SYNE1: variants seen among roughly 807,000 people sequenced by gnomAD.
SYNE1 encodes nesprin-1.
In SYNE1, 616 loss-of-function variants were observed where a neutral mutation model predicts 1,111.0. The observed-to-expected ratio is 0.55, with a 90% confidence interval of 0.52 to 0.59. The LOEUF is 0.59. SYNE1 is among the 20% of genes least tolerant of loss of function. The pLI, the probability that SYNE1 is intolerant of heterozygous loss-of-function variation, is 0.00. For missense variants in SYNE1, 10,006 were observed against 10,417.0 expected (o/e 0.96, Z 1.72); for synonymous variants, 3,855 against 3,825.8 (o/e 1.01, Z -0.28).
intron 104 of SYNE1, among the ~76,000 whole-genome samples, chr6:152,250,384 C>T (rs938788863): frequency 6.6e-6 from 1 of 152,074 alleles, no homozygotes; most frequent in African/African-American, 2.4e-5. Context: ...TTTACCAGGG[C>T]CTGATCACGC....
At chr6:152,313,888 T>C (rs1240383021) in intron 87 of SYNE1, among the ~76,000 whole-genome samples, 1 of 152,130 alleles carries the variant, frequency 6.6e-6, no homozygotes, top group Non-Finnish European at 1.5e-5. Context: ...TTTTTCACTG[T>C]GCCCCATGAT....
At chr6:152,602,973 A>G (rs1428125663) in intron 3 of SYNE1, among the ~76,000 whole-genome samples, 1 of 152,134 alleles carries the variant, frequency 6.6e-6, no homozygotes, top group Admixed American at 6.6e-5. Flanking sequence ...CATACCCATA[A>G]AATGAAGAAA....
intron 32 of SYNE1, among the ~76,000 whole-genome samples, chr6:152,437,932 C>T (rs1017493693): frequency 1.3e-5 from 2 of 152,064 alleles, no homozygotes; most frequent in East Asian, 1.9e-4. Context: ...AGAAATATCA[C>T]GAGTTCGGCC....
chr6:152,452,009 A>C lies in SYNE1; in HGVS notation c.3028-804T>G, dbSNP rs544895342. On this transcript the variant is annotated intron_variant, in intron 25 of 145. Transcript: ENST00000367255. ...TTACTGAAAAAAAGTTTTAAAAAGAAAAGAAAAAAAAAAAGAAAACATAGC... is the reference window on the plus strand; with the variant it reads ...TTACTGAAAAAAAGTTTTAAAAAGACAAGAAAAAAAAAAAGAAAACATAGC... 6.6e-3 allele frequency among the ~76,000 whole-genome samples: 977 copies of C among 147,174 alleles called. 11 individuals carry two copies. The highest frequency in any genetic ancestry group is 0.023 in the African/African-American group (917 of 39,700).
intron 3 of SYNE1, among the ~76,000 whole-genome samples, chr6:152,591,484 C>T (rs1422358367): frequency 6.6e-6 from 1 of 152,132 alleles, no homozygotes; most frequent in African/African-American, 2.4e-5. Flanking sequence ...AGGACCCCTA[C>T]CTTTCACCAT....
chr6:152,515,579 A>G (rs1348164139), intron 6 of SYNE1, among the ~76,000 whole-genome samples: 2 of 152,210 alleles, frequency 1.3e-5, no homozygotes, highest in African/African-American at 4.8e-5. Flanking sequence ...AGTTGGAACT[A>G]TTTGCTCCCC....
At chr6:152,570,161 G>A (rs1472424718) in intron 3 of SYNE1, among the ~76,000 whole-genome samples, 2 of 152,094 alleles carry the variant, frequency 1.3e-5, no homozygotes, top group Admixed American at 6.5e-5. Context: ...TGAAATCACA[G>A]CAAAATAAAA....
At chr6:152,526,436 C>T (rs1453159929) in intron 4 of SYNE1, among the ~76,000 whole-genome samples, 1 of 152,108 alleles carries the variant, frequency 6.6e-6, no homozygotes, top group Non-Finnish European at 1.5e-5. Context: ...CAGCTTCTTT[C>T]TAGAAAGTGA....
At chr6:152,337,928 G>A (rs1035836573) in intron 75 of SYNE1, among the ~76,000 whole-genome samples, 3 of 152,098 alleles carry the variant, frequency 2.0e-5, no homozygotes, top group African/African-American at 7.2e-5. Flanking sequence ...CAGGTGGATT[G>A]CCTGAGCTCA....
intron 91 of SYNE1, among the ~76,000 whole-genome samples, chr6:152,303,981 GGA>G (rs1338857640): frequency 6.6e-6 from 1 of 151,762 alleles, no homozygotes; most frequent in Non-Finnish European, 1.5e-5. Flanking sequence ...GAAGCCGAGT[GGA>G]GCAAAAAACA....
intron 63 of SYNE1, chr6:152,363,878 C>T (rs2154074129): frequency 5.1e-6 from 2 of 389,414 alleles, no homozygotes; most frequent in South Asian, 3.7e-5. Flanking sequence ...ACACTGTATA[C>T]CAGCTCCCAG....
chr6:152,530,979 G>C (rs1350055413), intron 4 of SYNE1, among the ~76,000 whole-genome samples: 1 of 144,370 alleles, frequency 6.9e-6, no homozygotes, highest in East Asian at 1.9e-4. Flanking sequence ...CTTTGCCCAG[G>C]GTATTCATGC....
At chr6:152,588,528 G>C (rs2099547613) in intron 3 of SYNE1, among the ~76,000 whole-genome samples, 1 of 152,112 alleles carries the variant, frequency 6.6e-6, no homozygotes, top group Admixed American at 6.6e-5. Flanking sequence ...TAGGTTCTAG[G>C]ACAAGCAATG....
chr6:152,436,959 A>G (rs143953912), intron 32 of SYNE1, among the ~76,000 whole-genome samples: 23 of 152,034 alleles, frequency 1.5e-4, no homozygotes, highest in Middle Eastern at 3.4e-3. Flanking sequence ...TGAGGCCAGG[A>G]GTTTGAGACT....
chr6:152,180,210 A>G lies in SYNE1; in HGVS notation c.23386T>C (p.Leu7796=), dbSNP rs754111667. 1.9e-6 allele frequency: 3 copies of G among 1,613,976 alleles called. No homozygotes were observed. The highest frequency in any genetic ancestry group is 2.2e-5 in the East Asian group (1 of 44,870). ...GAAACTTTGCTTTCCATTTGAGTCA[A>G]CCACTCACAGAGTTCCTTGTTCTTT... ...SEKNKELCEW[L]TQMESKVSQN... The change falls in exon 129 of 146, where the codon TTG becomes CTG. Residue 7796 remains leucine (L), a synonymous_variant. Transcript: ENST00000367255.
rs1010759187 is a variant in SYNE1, at chr6:152,380,908, C to G, written c.9009+98G>C. On this transcript the variant is annotated intron_variant, in intron 56 of 145. Coordinates refer to ENST00000367255, the MANE Select transcript of SYNE1 (RefSeq NM_182961.4). Reference sequence around the variant, plus strand: ...ATACTTCTTCCAAGTGTGCATGTTGCGTGTTTTTAGTTAGCAAGATTTTTT... The same window carrying G: ...ATACTTCTTCCAAGTGTGCATGTTGGGTGTTTTTAGTTAGCAAGATTTTTT... The G allele has an allele frequency of 4.4e-6, 5 of 1,126,200 alleles. No individual in the cohort carries two copies. In the South Asian group the frequency reaches 6.2e-5, roughly 14 times the overall value. 69.8% of individuals were successfully genotyped at this position (1,126,200 alleles called of 1,614,324 possible). A position where few individuals can be genotyped will look rare whatever the true frequency, so the allele number is the denominator to read the frequency against.
chr6:152,140,943 G>A (rs1042282126), intron 139 of SYNE1, among the ~76,000 whole-genome samples: 3 of 152,190 alleles, frequency 2.0e-5, no homozygotes, highest in African/African-American at 7.2e-5. Flanking sequence ...GCTGAGGCGG[G>A]AGAATGCCAT....
chr6:152,534,170 A>AAATGAATG (rs770216813), intron 4 of SYNE1, among the ~76,000 whole-genome samples: 4 of 146,084 alleles, frequency 2.7e-5, no homozygotes, highest in East Asian at 4.0e-4. Context: ...AAAAATAAAT[A>AAATGAATG]AATGAATGAA....
intron 16 of SYNE1, among the ~76,000 whole-genome samples, chr6:152,468,222 C>A (rs1378411631): frequency 6.6e-6 from 1 of 151,952 alleles, no homozygotes; most frequent in Non-Finnish European, 1.5e-5. Flanking sequence ...TGCAACTATG[C>A]CAGATTATTC....
Sources: gnomAD v4.1 joint callset for allele counts (sites outside exome capture counted in the v4.1 genomes callset) on GRCh38, gnomAD v4.1.1 for gene constraint, MANE v1.5 for transcripts, NCBI Gene and HGNC (gene_info 2026-07-23, HGNC 2026-07-21) for gene names.